The following PCDHGA7 variants were observed in gnomAD, a reference collection of about 807,000 sequenced individuals.
The protein encoded by PCDHGA7 is protocadherin gamma subfamily A, 7.
A neutral mutation model predicts 58.3 loss-of-function variants in PCDHGA7; 44 were observed. The ratio of observed to expected loss-of-function variants is 0.75; its 90% confidence interval spans 0.59 to 0.97. PCDHGA7 has a LOEUF of 0.97. PCDHGA7 is among the 50% of genes least tolerant of loss of function. The probability of loss-of-function intolerance (pLI) is 0.00; values close to 1 mark genes in which losing one functional copy is unlikely to be tolerated. For synonymous variants in PCDHGA7, 516 were observed against 504.2 expected, an observed-to-expected ratio of 1.02 and a Z score of -0.31; for missense variants, 1,266 against 1,188.7, an observed-to-expected ratio of 1.06 and a Z score of -0.96.
rs760878091 is a variant in PCDHGA7 at position 141,476,406 on chromosome 5, T to A, written c.2425-18401T>A. The A allele has an allele frequency of 6.2e-7, 1 of 1,614,054 alleles. No individual in the cohort carries two copies. The highest frequency in any genetic ancestry group is 8.5e-7 in the Non-Finnish European group (1 of 1,180,002). On this transcript the variant is annotated intron_variant, in intron 1 of 3. Transcript: ENST00000518325. The surrounding 1 kb of genome is among the most constrained non-coding windows in gnomAD (Gnocchi z 7.6). Reference sequence around the variant, plus strand: ...AACGACCGTCTGGATCGAGAGGAGCTGTGTGGGACACTGCCCTCTTGCACT... The same window carrying A: ...AACGACCGTCTGGATCGAGAGGAGCAGTGTGGGACACTGCCCTCTTGCACT...
At position 141,486,108 on chromosome 5, in the gene PCDHGA7, G is replaced by A. The variant is rs1184123075; in HGVS notation, c.2425-8699G>A. ...CTTTTGGGGCCCCTAGACTTTGAGA[G>A]TGAGAATTACTATGAATTTGATGTG... On this transcript the variant is annotated intron_variant, in intron 1 of 3. Coordinates refer to ENST00000518325, the MANE Select transcript of PCDHGA7 (RefSeq NM_018920.4). The surrounding 1 kb of genome is among the most constrained non-coding windows in gnomAD (Gnocchi z 5.0). 6 of 1,614,206 alleles carry A rather than the reference G, an allele frequency of 3.7e-6. No individual in the cohort carries two copies. Among genetic ancestry groups the A allele is most frequent in the South Asian group, 3.3e-5 (3 of 91,084 alleles).
chr5:141,389,996 C>T, intron 1 of PCDHGA7: 1 of 1,614,022 alleles, frequency 6.2e-7, no homozygotes, highest in Non-Finnish European at 8.5e-7. Context: ...TCCTCGTGGC[C>T]ATGATTCTGG....
chr5:141,472,856 C>T (rs1251907207), intron 1 of PCDHGA7, among the ~76,000 whole-genome samples: 5 of 150,296 alleles, frequency 3.3e-5, no homozygotes, highest in East Asian at 2.0e-4. Flanking sequence ...CATGGTGGCA[C>T]ATGCCTGTAT....
At chr5:141,389,743 G>T in intron 1 of PCDHGA7, 8 of 1,612,624 alleles carry the variant, frequency 5.0e-6, no homozygotes, top group Non-Finnish European at 6.8e-6. Flanking sequence ...CTGGGGCTGC[G>T]CACGGGCGAA....
intron 1 of PCDHGA7, chr5:141,404,334 T>TC: frequency 6.2e-7 from 1 of 1,613,882 alleles, no homozygotes; most frequent in Non-Finnish European, 8.5e-7. Context: ...TCAGTCTACC[T>TC]CCCGGAAAAC....
Position 141,485,281 on chromosome 5 carries a change from A to G in PCDHGA7, c.2425-9526A>G. 4 of 1,614,156 alleles carry G rather than the reference A, an allele frequency of 2.5e-6. No individual in the cohort carries two copies. In the South Asian group the frequency reaches 3.3e-5, roughly 13 times the overall value. Reference sequence around the variant, plus strand: ...GTGGGCAGATCCGCTACCCGGTCCCAGAGGAGTCACAGGAAGGGACTTTTG... The same window carrying G: ...GTGGGCAGATCCGCTACCCGGTCCCGGAGGAGTCACAGGAAGGGACTTTTG... On this transcript the variant is annotated intron_variant, in intron 1 of 3. Coordinates refer to ENST00000518325, the MANE Select transcript of PCDHGA7 (RefSeq NM_018920.4). The surrounding 1 kb of genome is among the most constrained non-coding windows in gnomAD (Gnocchi z 5.7).
chr5:141,414,000 A>C (rs759228883), intron 1 of PCDHGA7: 20 of 1,613,400 alleles, frequency 1.2e-5, no homozygotes, highest in Non-Finnish European at 1.6e-5. Flanking sequence ...ACAGGGACGA[A>C]GGTGCCAATG....
intron 1 of PCDHGA7, among the ~76,000 whole-genome samples, chr5:141,450,750 G>C (rs778218781): frequency 1.1e-4 from 16 of 152,002 alleles, no homozygotes; most frequent in Admixed American, 2.0e-4. Context: ...GCCTCCCAAA[G>C]TGCCGGGATT....
Position 141,476,387 on chromosome 5 carries a change from C to G in PCDHGA7, c.2425-18420C>G, listed in dbSNP as rs147660262. Reference sequence around the variant, plus strand: ...GACCGGAGAGATGTTTGTGAACGACCGTCTGGATCGAGAGGAGCTGTGTGG... The same window carrying G: ...GACCGGAGAGATGTTTGTGAACGACGGTCTGGATCGAGAGGAGCTGTGTGG... On this transcript the variant is annotated intron_variant, in intron 1 of 3. Coordinates refer to ENST00000518325, the MANE Select transcript of PCDHGA7 (RefSeq NM_018920.4). The surrounding 1 kb of genome is among the most constrained non-coding windows in gnomAD (Gnocchi z 7.6). 3.6e-4 allele frequency: 587 copies of G among 1,614,076 alleles called. No individual in the cohort carries two copies. The highest frequency in any genetic ancestry group is 4.7e-4 in the Non-Finnish European group (549 of 1,180,024).
At chr5:141,446,621 C>T (rs1284919173) in intron 1 of PCDHGA7, among the ~76,000 whole-genome samples, 2 of 152,094 alleles carry the variant, frequency 1.3e-5, no homozygotes, top group Non-Finnish European at 2.9e-5. Flanking sequence ...GGACTACAGG[C>T]GTGCACCACC....
At position 141,477,401 on chromosome 5, in the gene PCDHGA7, G is replaced by T. The variant is rs781253466; in HGVS notation, c.2425-17406G>T. On this transcript the variant is annotated intron_variant, in intron 1 of 3. Coordinates refer to ENST00000518325, the MANE Select transcript of PCDHGA7 (RefSeq NM_018920.4). The surrounding 1 kb of genome is among the most constrained non-coding windows in gnomAD (Gnocchi z 4.9). ...GCCAGAATACAACCTCAGCATCACC[G>T]CCCGAGACGCCGGAACCCCTTCCCT... 8 of 1,613,960 alleles carry T rather than the reference G, an allele frequency of 5.0e-6. No homozygotes were observed. The highest frequency in any genetic ancestry group is 4.5e-5 in the East Asian group (2 of 44,890).
At chr5:141,494,772 G>C in intron 1 of PCDHGA7, 35 bp from the exon 2 acceptor site, 1 of 1,613,982 alleles carries the variant, frequency 6.2e-7, no homozygotes, top group Non-Finnish European at 8.5e-7. Context: ...ACTTCTCACG[G>C]GTACTCAGCC....
intron 1 of PCDHGA7, chr5:141,413,978 T>C (rs2095697435): frequency 1.2e-6 from 2 of 1,613,414 alleles, no homozygotes; most frequent in Non-Finnish European, 8.5e-7. Flanking sequence ...CTGCTGACAG[T>C]CACAGCCACC....
At position 141,384,906 on chromosome 5, in the gene PCDHGA7, C is replaced by T. The variant is rs767972748; in HGVS notation, c.2007C>T (p.Pro669=). The T allele has an allele frequency of 2.5e-6, 4 of 1,613,882 alleles. No homozygotes were observed. The highest frequency in any genetic ancestry group is 3.4e-6 in the Non-Finnish European group (4 of 1,180,032). ...TLTVAVADSI[P]EVLADLGSLE... Reference sequence around the variant, plus strand: ...CCGTGGCTGTGGCTGACAGCATCCCCGAAGTCTTGGCCGACCTGGGCAGCC... The same window carrying T: ...CCGTGGCTGTGGCTGACAGCATCCCTGAAGTCTTGGCCGACCTGGGCAGCC... The change falls in exon 1 of 4, where the codon CCC becomes CCT. Residue 669 remains proline (P), a synonymous_variant. Coordinates refer to ENST00000518325, the MANE Select transcript of PCDHGA7 (RefSeq NM_018920.4).
chr5:141,452,172 T>G (rs1338447268), intron 1 of PCDHGA7, among the ~76,000 whole-genome samples: 1 of 152,206 alleles, frequency 6.6e-6, no homozygotes, highest in Non-Finnish European at 1.5e-5. Flanking sequence ...TTACTAACAT[T>G]TTTTATTTTG....
Position 141,505,473 on chromosome 5 carries a change from C to T in PCDHGA7, c.2564C>T (p.Ser855Phe). The change falls in exon 3 of 4, where the codon TCC (serine) becomes TTC (phenylalanine). Residue 855 changes from serine to phenylalanine, a missense_variant. Transcript: ENST00000518325. Reference sequence around the variant, plus strand: ...ATGCTGCAAGCCATGATCTTGGCGTCCGCCAGTGGTAAGTGGTGTCAGTGT... The same window carrying T: ...ATGCTGCAAGCCATGATCTTGGCGTTCGCCAGTGGTAAGTGGTGTCAGTGT... ...TEMLQAMILA[S>F]ASEAADGSST... is the part of the protein sequence containing the mutation. The T allele has an allele frequency of 6.2e-7, 1 of 1,614,188 alleles. No homozygotes were observed. Among genetic ancestry groups the T allele is most frequent in the Non-Finnish European group, 8.5e-7 (1 of 1,180,014 alleles).
chr5:141,389,975 C>A (rs1318416407), intron 1 of PCDHGA7: 1 of 1,614,060 alleles, frequency 6.2e-7, no homozygotes, highest in Non-Finnish European at 8.5e-7. Flanking sequence ...TGGCCTTGAT[C>A]TCAGTGCTCT....
chr5:141,460,289 T>C, intron 1 of PCDHGA7, among the ~76,000 whole-genome samples: 1 of 152,148 alleles, frequency 6.6e-6, no homozygotes, highest in East Asian at 1.9e-4. Context: ...TTTGTATTTC[T>C]TATGTCCTAT....
intron 3 of PCDHGA7, among the ~76,000 whole-genome samples, chr5:141,506,621 G>A (rs143369587): frequency 1.3e-5 from 2 of 152,178 alleles, no homozygotes; most frequent in African/African-American, 4.8e-5. Flanking sequence ...GTGTTACCAG[G>A]GCCAAATGCA....
Sources: allele counts gnomAD v4.1 joint callset (sites outside exome capture counted in the v4.1 genomes callset), GRCh38; gene constraint gnomAD v4.1.1; non-coding constraint Gnocchi (gnomAD v3.1); transcripts MANE v1.5; gene names NCBI Gene and HGNC (gene_info 2026-07-23, HGNC 2026-07-21).